The following VAV2 variants were observed in gnomAD, a reference collection of about 807,000 sequenced individuals.
VAV2 encodes guanine nucleotide exchange factor VAV2.
A neutral mutation model predicts 132.5 loss-of-function variants in VAV2; 67 were observed. The observed-to-expected ratio is 0.51, with a 90% CI of 0.42 to 0.62. The LOEUF (loss-of-function observed/expected upper bound fraction) is 0.62. Among genes scored for constraint, VAV2 ranks in the 20% least tolerant of loss-of-function variants. The pLI is 0.00. For missense variants in VAV2, 938 were observed against 1,153.6 expected, an observed-to-expected ratio of 0.81 and a Z score of 2.71; for synonymous variants, 492 against 443.5, an observed-to-expected ratio of 1.11 and a Z score of -1.37.
chr9:133,914,738 AGG>A (rs1840003593), intron 2 of VAV2, among the ~76,000 whole-genome samples: 3 of 53,026 alleles, frequency 5.7e-5, no homozygotes, highest in Non-Finnish European at 9.9e-5. Flanking sequence ...GGGGGAGGAG[AGG>A]GAAGGGGAGG....
intron 23 of VAV2, 107 bp downstream of exon 23, chr9:133,777,282 C>G: frequency 8.7e-7 from 1 of 1,149,394 alleles, no homozygotes; most frequent in East Asian, 2.4e-5. Context: ...CTAAATTTAG[C>G]AAGGATGTCC....
At chr9:133,960,021 G>T (rs1564503295) in intron 1 of VAV2, among the ~76,000 whole-genome samples, 1 of 152,218 alleles carries the variant, frequency 6.6e-6, no homozygotes. Flanking sequence ...CACAGTGAGA[G>T]CCGGGAACAC....
intron 4 of VAV2, among the ~76,000 whole-genome samples, chr9:133,832,340 G>T (rs1482722286): frequency 6.6e-6 from 1 of 152,180 alleles, no homozygotes; most frequent in Non-Finnish European, 1.5e-5. Flanking sequence ...AGGGTACAGG[G>T]GGGTATGTTC....
intron 3 of VAV2, among the ~76,000 whole-genome samples, chr9:133,842,591 C>G (rs1290433726): frequency 1.3e-5 from 2 of 152,164 alleles, no homozygotes; most frequent in Admixed American, 1.3e-4. Context: ...AACAGTGTTT[C>G]CATTTATGGT....
chr9:133,856,840 C>T (rs960029757), intron 3 of VAV2, among the ~76,000 whole-genome samples: 3 of 152,190 alleles, frequency 2.0e-5, no homozygotes, highest in African/African-American at 7.2e-5. Context: ...GACCTTCCTG[C>T]GTCCCTCTTA....
At chr9:133,807,982 G>C (rs1244537584) in intron 7 of VAV2, among the ~76,000 whole-genome samples, 1 of 152,258 alleles carries the variant, frequency 6.6e-6, no homozygotes, top group Non-Finnish European at 1.5e-5. Flanking sequence ...TCTGGGCCCA[G>C]CTGCTGCACC....
rs1229635821 is a variant in VAV2 at position 133,857,615 on chromosome 9, G to A, written c.380+3759C>T. Among the ~76,000 whole-genome samples the A allele has an allele frequency of 6.6e-6, 1 of 152,188 alleles. No homozygotes were observed. The highest frequency in any genetic ancestry group is 1.5e-5 in the Non-Finnish European group (1 of 68,044). ...TAATCACTAACACTACAAAACGCTCGAAATGAAATAGTGTCTTGTGAAGTG... is the reference window on the plus strand; with the variant it reads ...TAATCACTAACACTACAAAACGCTCAAAATGAAATAGTGTCTTGTGAAGTG... On this transcript the variant is annotated intron_variant, in intron 3 of 29. Transcript: ENST00000371850. This position sits in a 1 kb window ranked among gnomAD's most constrained non-coding sequence, Gnocchi z 4.0.
At chr9:133,970,706 G>A (rs2132255524) in intron 1 of VAV2, among the ~76,000 whole-genome samples, 1 of 152,300 alleles carries the variant, frequency 6.6e-6, no homozygotes, top group East Asian at 1.9e-4. Flanking sequence ...AGGCCCCAGG[G>A]GCAGGCAGCA....
intron 1 of VAV2, among the ~76,000 whole-genome samples, chr9:133,983,117 G>C (rs1646463146): frequency 6.6e-6 from 1 of 152,196 alleles, no homozygotes; most frequent in African/African-American, 2.4e-5. Flanking sequence ...CTCAGCTAGG[G>C]GCTCGGGTCT....
In VAV2 at chr9:133,884,917, C is replaced by A. The variant is rs748139666; in HGVS notation, c.322-23485G>T. ...CAGCGCTGTCCACAACTCACACCCT[C>A]AGCCCCACTTCCAGCCTGATGAACC... On this transcript the variant is annotated intron_variant, in intron 2 of 29. Transcript: ENST00000371850. The surrounding 1 kb of genome is among the most constrained non-coding windows in gnomAD (Gnocchi z 5.3). Among the ~76,000 whole-genome samples, 6 of 152,300 alleles carry A rather than the reference C, an allele frequency of 3.9e-5. No individual in the cohort carries two copies. The highest frequency in any genetic ancestry group is 8.8e-5 in the Non-Finnish European group (6 of 68,030).
intron 1 of VAV2, among the ~76,000 whole-genome samples, chr9:133,953,791 G>A (rs1275743627): frequency 1.4e-4 from 21 of 152,108 alleles, no homozygotes; most frequent in Non-Finnish European, 2.8e-4. Context: ...CCATGACCCC[G>A]GCTCCCAGGC....
intron 19 of VAV2, among the ~76,000 whole-genome samples, chr9:133,781,949 G>A (rs946452551): frequency 6.6e-5 from 10 of 152,200 alleles, no homozygotes; most frequent in African/African-American, 1.9e-4. Flanking sequence ...TGGGGTGGGC[G>A]GGTGTGCGCG....
rs1843002603 is a variant in VAV2, at chr9:133,991,162, G to A, written c.204+913C>T. Among the ~76,000 whole-genome samples, 1 of 152,154 alleles carries A rather than the reference G, an allele frequency of 6.6e-6. No individual in the cohort carries two copies. The highest frequency in any genetic ancestry group is 1.5e-5 in the Non-Finnish European group (1 of 68,030). ...GGAAGACCGCACCTCCTCGGCGCTGGGTGGACCCGGCTGCCACCCGCTCTG... is the reference window on the plus strand; with the variant it reads ...GGAAGACCGCACCTCCTCGGCGCTGAGTGGACCCGGCTGCCACCCGCTCTG... On this transcript the variant is annotated intron_variant, in intron 1 of 29. Coordinates refer to ENST00000371850, the MANE Select transcript of VAV2 (RefSeq NM_001134398.2). The surrounding 1 kb of genome is among the most constrained non-coding windows in gnomAD (Gnocchi z 4.8).
chr9:133,896,833 G>A (rs967311211), intron 2 of VAV2, among the ~76,000 whole-genome samples: 11 of 152,122 alleles, frequency 7.2e-5, no homozygotes, highest in African/African-American at 1.7e-4. Context: ...AGTGGCTCAC[G>A]CCTGTAATCC....
intron 7 of VAV2, among the ~76,000 whole-genome samples, chr9:133,808,467 G>A (rs1467154308): frequency 1.3e-5 from 2 of 152,228 alleles, no homozygotes; most frequent in African/African-American, 4.8e-5. Flanking sequence ...GCCTACAGGA[G>A]GCCCAGGTGG....
chr9:133,913,733 C>T (rs530909382), intron 2 of VAV2, among the ~76,000 whole-genome samples: 3 of 152,286 alleles, frequency 2.0e-5, no homozygotes, highest in Non-Finnish European at 4.4e-5. Context: ...CATGGAGATG[C>T]TCAGATGCCA....
At position 133,778,845 on chromosome 9, in the gene VAV2, G is replaced by A; in HGVS notation, c.1807C>T (p.Pro603Ser). 1 of 1,612,814 alleles carries A rather than the reference G, an allele frequency of 6.2e-7. No individual in the cohort carries two copies. The highest frequency in any genetic ancestry group is 8.5e-7 in the Non-Finnish European group (1 of 1,179,854). ...AAGGTCAGCACAGGCTTCCCGGGAG[G>A]GGCTGGGTTGCCATGGTAATTCTGC... Reference protein sequence around the residue: ...AMQNYHGNPAPPGKPVLTFQT... With the variant: ...AMQNYHGNPASPGKPVLTFQT... Residue 603 changes from proline to serine, a missense_variant, in exon 22 of 30, where the codon CCT becomes TCT. Coordinates refer to ENST00000371850, the MANE Select transcript of VAV2 (RefSeq NM_001134398.2).
chr9:133,976,369 AG>A (rs1327052470), intron 1 of VAV2, among the ~76,000 whole-genome samples: 3 of 152,238 alleles, frequency 2.0e-5, no homozygotes, highest in African/African-American at 7.2e-5. Flanking sequence ...CCAGCAGTCC[AG>A]GGGGGCAGTC....
Position 133,828,701 on chromosome 9 carries a change from G to A in VAV2, c.449+5571C>T, listed in dbSNP as rs1002630212. 3.6e-4 allele frequency among the ~76,000 whole-genome samples: 55 copies of A among 152,288 alleles called. 1 individual carries two copies. The highest frequency in any genetic ancestry group is 6.5e-4 in the African/African-American group (27 of 41,564). ...GAGGTGATCCTCCCTGTGAGTCCCC[G>A]GGGAACTTCCACAATTCTGATTCGT... is the stretch of plus-strand genomic sequence containing the variant. On this transcript the variant is annotated intron_variant, in intron 4 of 29. Coordinates refer to ENST00000371850, the MANE Select transcript of VAV2 (RefSeq NM_001134398.2).
Sources: allele counts gnomAD v4.1 joint callset (sites outside exome capture counted in the v4.1 genomes callset), GRCh38; gene constraint gnomAD v4.1.1; non-coding constraint Gnocchi (gnomAD v3.1); transcripts MANE v1.5; gene names NCBI Gene and HGNC (gene_info 2026-07-23, HGNC 2026-07-21).